RIMS2: variants seen among roughly 807,000 people sequenced by gnomAD.
RIMS2 encodes regulating synaptic membrane exocytosis protein 2.
RIMS2 carries 59 observed loss-of-function variants against 174.4 expected under a neutral mutation model. That is an observed-to-expected ratio of 0.34 (90% CI 0.27 to 0.42). The LOEUF (loss-of-function observed/expected upper bound fraction) is 0.42. RIMS2 is among the 10% of genes least tolerant of loss of function. The probability of loss-of-function intolerance (pLI) is 1.00; values close to 1 mark genes in which losing one functional copy is unlikely to be tolerated. For synonymous variants in RIMS2, 606 were observed against 572.5 expected, an observed-to-expected ratio of 1.06 and a Z score of -0.84; for missense variants, 1,620 against 1,666.3, an observed-to-expected ratio of 0.97 and a Z score of 0.48.
chr8:103,544,030 G>A (rs767514603), intron 1 of RIMS2, among the ~76,000 whole-genome samples: 8 of 152,144 alleles, frequency 5.3e-5, no homozygotes, highest in Non-Finnish European at 8.8e-5. Context: ...GAGTGAAGAG[G>A]CAACCTACAG....
chr8:104,124,115 T>C (rs1484615211), intron 19 of RIMS2, among the ~76,000 whole-genome samples: 1 of 152,160 alleles, frequency 6.6e-6, no homozygotes, highest in African/African-American at 2.4e-5. Context: ...ATCATGTCTA[T>C]ATATGAGAGA....
intron 1 of RIMS2, among the ~76,000 whole-genome samples, chr8:103,569,871 A>C (rs1026253804): frequency 1.3e-5 from 2 of 151,458 alleles, no homozygotes; most frequent in African/African-American, 4.9e-5. Flanking sequence ...GGCCTCAAGC[A>C]GTCCTACTGC....
intron 2 of RIMS2, among the ~76,000 whole-genome samples, chr8:103,754,222 C>T (rs2097942367): frequency 1.3e-5 from 2 of 152,076 alleles, no homozygotes; most frequent in Admixed American, 1.3e-4. Flanking sequence ...GTTCAGTTTC[C>T]ATGTAGTTGA....
At chr8:103,719,677 A>C (rs987042525) in intron 2 of RIMS2, among the ~76,000 whole-genome samples, 1 of 152,218 alleles carries the variant, frequency 6.6e-6, no homozygotes, top group African/African-American at 2.4e-5. Context: ...AATTTTTTAA[A>C]CATAATTTAA....
At chr8:103,849,928 A>G (rs1406111170) in intron 3 of RIMS2, among the ~76,000 whole-genome samples, 1 of 152,042 alleles carries the variant, frequency 6.6e-6, no homozygotes, top group African/African-American at 2.4e-5. Context: ...TATATTAATC[A>G]TTGAGTAAGT....
chr8:103,510,846 T>C (rs1013864358), intron 1 of RIMS2, among the ~76,000 whole-genome samples: 5 of 152,328 alleles, frequency 3.3e-5, no homozygotes, highest in Admixed American at 3.3e-4. Flanking sequence ...AACATATTTA[T>C]GTGTTCCTGC....
chr8:103,742,606 C>A (rs2097772339), intron 2 of RIMS2, among the ~76,000 whole-genome samples: 1 of 152,060 alleles, frequency 6.6e-6, no homozygotes, highest in Non-Finnish European at 1.5e-5. Context: ...TAGTAGTGAG[C>A]AATATTAATT....
chr8:103,954,550 C>T (rs1309112595), intron 14 of RIMS2, among the ~76,000 whole-genome samples: 1 of 152,118 alleles, frequency 6.6e-6, no homozygotes, highest in Non-Finnish European at 1.5e-5. Context: ...TTCTTTGAAA[C>T]CAATGAGAGC....
intron 1 of RIMS2, among the ~76,000 whole-genome samples, chr8:103,684,697 C>T (rs956145020): frequency 6.6e-6 from 1 of 151,982 alleles, no homozygotes; most frequent in South Asian, 2.1e-4. Context: ...AGCAATTCTC[C>T]TGCCTCAGCC....
At chr8:103,729,963 CA>C (rs1397418944) in intron 2 of RIMS2, among the ~76,000 whole-genome samples, 3 of 152,140 alleles carry the variant, frequency 2.0e-5, no homozygotes, top group African/African-American at 7.2e-5. Context: ...TGTGGCCTAG[CA>C]TATGGTCTAT....
At chr8:103,623,392 T>C (rs1188397212) in intron 1 of RIMS2, among the ~76,000 whole-genome samples, 1 of 151,978 alleles carries the variant, frequency 6.6e-6, no homozygotes, top group Non-Finnish European at 1.5e-5. Context: ...TAAAAATATG[T>C]AGTATGTGTG....
intron 19 of RIMS2, among the ~76,000 whole-genome samples, chr8:104,038,500 AAAAG>A (rs1185792465): frequency 3.9e-5 from 6 of 151,920 alleles, no homozygotes; most frequent in Admixed American, 6.6e-5. Context: ...GGATAAATGA[AAAAG>A]AAAGAGTTCT....
intron 2 of RIMS2, among the ~76,000 whole-genome samples, chr8:103,731,431 T>C (rs1296925844): frequency 6.6e-6 from 1 of 152,142 alleles, no homozygotes; most frequent in Non-Finnish European, 1.5e-5. Context: ...TTTGAGGTAG[T>C]CTTCTTGGAG....
intron 3 of RIMS2, among the ~76,000 whole-genome samples, chr8:103,857,116 C>T (rs1038096327): frequency 1.2e-4 from 18 of 152,176 alleles, no homozygotes; most frequent in African/African-American, 2.2e-4. Context: ...AGCTGAGATA[C>T]GGTGTTACAT....
chr8:103,910,295 T>C, intron 5 of RIMS2, 26 bp from the exon 8 acceptor site: 3 of 1,526,790 alleles, frequency 2.0e-6, no homozygotes, highest in Non-Finnish European at 2.7e-6. Flanking sequence ...TTGTATCTTT[T>C]TTTTTTTTTT....
intron 12 of RIMS2, among the ~76,000 whole-genome samples, chr8:103,934,558 G>A (rs368495928): frequency 3.7e-4 from 57 of 152,182 alleles, no homozygotes; most frequent in African/African-American, 1.3e-3. Context: ...AGAAACCTCA[G>A]AGATTGTCTA....
intron 2 of RIMS2, among the ~76,000 whole-genome samples, chr8:103,704,323 G>C (rs1015786690): frequency 6.6e-6 from 1 of 151,742 alleles, no homozygotes; most frequent in East Asian, 1.9e-4. Context: ...TGATTGTGGT[G>C]ATTGATCTTT....
At chr8:103,752,987 G>A (rs1171866516) in intron 2 of RIMS2, among the ~76,000 whole-genome samples, 1 of 151,952 alleles carries the variant, frequency 6.6e-6, no homozygotes, top group Non-Finnish European at 1.5e-5. Flanking sequence ...TAGGAGTGGT[G>A]AGAGAGGGCA....
intron 19 of RIMS2, among the ~76,000 whole-genome samples, chr8:104,194,729 G>A (rs2136566172): frequency 6.6e-6 from 1 of 152,292 alleles, no homozygotes; most frequent in South Asian, 2.1e-4. Context: ...GCAGACTCCA[G>A]ATGGTATGGA....
Sources: gnomAD v4.1 joint callset for allele counts (sites outside exome capture counted in the v4.1 genomes callset) on GRCh38, gnomAD v4.1.1 for gene constraint, MANE v1.5 for transcripts, NCBI Gene and HGNC (gene_info 2026-07-23, HGNC 2026-07-21) for gene names.